AMMECR1: variants seen among roughly 807,000 people sequenced by gnomAD.
The protein encoded by AMMECR1 is nuclear protein AMMECR1.
In AMMECR1, 3 loss-of-function variants were observed where a neutral mutation model predicts 22.5. The ratio of observed to expected loss-of-function variants is 0.13; its 90% CI spans 0.06 to 0.35. The LOEUF (loss-of-function observed/expected upper bound fraction) is 0.35. Among genes scored for constraint, AMMECR1 ranks in the 10% least tolerant of loss-of-function variants. The pLI is 1.00. For synonymous variants in AMMECR1, 130 were observed against 116.7 expected, an observed-to-expected ratio of 1.11 and a Z score of -0.74; for missense variants, 235 against 278.7, an observed-to-expected ratio of 0.84 and a Z score of 1.12.
intron 2 of AMMECR1, among the ~76,000 whole-genome samples, chrX:110,262,356 G>A (rs1018461485): frequency 9.0e-6 from 1 of 111,605 alleles, no homozygotes; most frequent in Admixed American, 9.4e-5. Flanking sequence ...ACACACACAC[G>A]CCTCTTTAAT....
At chrX:110,331,716 A>G (rs2068121633) in intron 2 of AMMECR1, among the ~76,000 whole-genome samples, 1 of 111,282 alleles carries the variant, frequency 9.0e-6, no homozygotes, top group Admixed American at 9.6e-5. Flanking sequence ...CTCATCGTCT[A>G]TAAGGAGAAC....
chrX:110,312,866 C>A (rs932346895), intron 1 of AMMECR1, among the ~76,000 whole-genome samples: 1 of 111,952 alleles, frequency 8.9e-6, no homozygotes, highest in African/African-American at 3.3e-5. Flanking sequence ...TACATTATGA[C>A]CAGAGAATGC....
intron 2 of AMMECR1, among the ~76,000 whole-genome samples, chrX:110,356,693 CAATT>C (rs2068232152): frequency 9.0e-6 from 1 of 110,511 alleles, no homozygotes; most frequent in Admixed American, 9.7e-5. Flanking sequence ...TATCATTTGT[CAATT>C]AAAAATAGTT....
intron 2 of AMMECR1, among the ~76,000 whole-genome samples, chrX:110,325,729 C>A (rs896976235): frequency 3.6e-5 from 4 of 111,194 alleles, no homozygotes; most frequent in African/African-American, 1.3e-4. Flanking sequence ...TTTAAAGAAC[C>A]AACTTTTGGT....
chrX:110,326,623 T>C (rs1420009041), intron 2 of AMMECR1, among the ~76,000 whole-genome samples: 1 of 112,201 alleles, frequency 8.9e-6, no homozygotes, highest in Non-Finnish European at 1.9e-5. Context: ...ATATGTTAAT[T>C]CTAGTTGGTG....
chrX:110,258,402 T>C (rs1041165310), intron 2 of AMMECR1, among the ~76,000 whole-genome samples: 1 of 111,725 alleles, frequency 9.0e-6, no homozygotes, highest in African/African-American at 3.3e-5. Flanking sequence ...GAGCAGATAG[T>C]TCACCATGCT....
chrX:110,396,214 C>T (rs1179968983), intron 2 of AMMECR1, among the ~76,000 whole-genome samples: 2 of 110,599 alleles, frequency 1.8e-5, no homozygotes, highest in Non-Finnish European at 3.8e-5. Flanking sequence ...AAAATACATG[C>T]TTGAAAAAAA....
chrX:110,258,015 G>C (rs1297356657), intron 2 of AMMECR1, among the ~76,000 whole-genome samples: 3 of 111,659 alleles, frequency 2.7e-5, no homozygotes, highest in Non-Finnish European at 5.7e-5. Flanking sequence ...AAGAGCCCTG[G>C]TGCTGAAAAA....
chrX:110,422,099 C>T (rs1435055899), intron 2 of AMMECR1, among the ~76,000 whole-genome samples: 1 of 113,156 alleles, frequency 8.8e-6, no homozygotes, highest in Non-Finnish European at 1.9e-5. Flanking sequence ...AATCAGAGAA[C>T]ACACCCAGAC....
chrX:110,275,792 T>C (rs1333053820), intron 1 of AMMECR1, among the ~76,000 whole-genome samples: 1 of 111,421 alleles, frequency 9.0e-6, no homozygotes, highest in Admixed American at 9.5e-5. Flanking sequence ...ATGGTGCCAT[T>C]GCATTCCAGC....
chrX:110,243,324 C>T (rs1602819334), intron 2 of AMMECR1, among the ~76,000 whole-genome samples: 2 of 112,127 alleles, frequency 1.8e-5, no homozygotes, highest in Non-Finnish European at 1.9e-5. Context: ...GATACAGTTA[C>T]ACCAACCTAA....
At chrX:110,395,321 C>A (rs1602964602) in intron 2 of AMMECR1, among the ~76,000 whole-genome samples, 2 of 112,111 alleles carry the variant, frequency 1.8e-5, no homozygotes, top group African/African-American at 6.5e-5. Context: ...CTGTGACTCC[C>A]AGACCTCAAC....
chrX:110,285,319 C>G (rs1349718499), intron 1 of AMMECR1, among the ~76,000 whole-genome samples: 1 of 112,363 alleles, frequency 8.9e-6, no homozygotes, highest in Non-Finnish European at 1.9e-5. Flanking sequence ...AATTCTCACA[C>G]TTACTGAATC....
chrX:110,427,779 T>C, intron 1 of AMMECR1, among the ~76,000 whole-genome samples: 1 of 112,198 alleles, frequency 8.9e-6, no homozygotes, highest in East Asian at 2.8e-4. Flanking sequence ...TGCTCTTGCT[T>C]GTTCATTCTA....
At chrX:110,438,658 A>G (rs900800604) in intron 1 of AMMECR1, among the ~76,000 whole-genome samples, 1 of 111,421 alleles carries the variant, frequency 9.0e-6, no homozygotes, top group Admixed American at 9.5e-5. Flanking sequence ...TCTCCACCAG[A>G]CATAAGGTGG....
At position 110,364,955 on chromosome X, in the gene AMMECR1, C is replaced by T. The variant is rs146167777; in HGVS notation, c.-147-47106G>A. Among the ~76,000 whole-genome samples, 510 of 111,946 alleles carry T rather than the reference C, an allele frequency of 4.6e-3. 2 individuals carry two copies. Among genetic ancestry groups the T allele is most frequent in the African/African-American group, 0.015 (471 of 30,823 alleles). On this transcript the variant is annotated intron_variant, in intron 2 of 7. Coordinates refer to the AMMECR1 transcript ENST00000372057. Reference sequence around the variant, plus strand: ...CACAAGGAAGATGTCTCTAGGAGTTCATTATCACATTAAGACAAGGATTCT... The same window carrying T: ...CACAAGGAAGATGTCTCTAGGAGTTTATTATCACATTAAGACAAGGATTCT...
intron 2 of AMMECR1, among the ~76,000 whole-genome samples, chrX:110,261,408 T>C (rs1184349317): frequency 1.8e-5 from 2 of 111,135 alleles, no homozygotes; most frequent in African/African-American, 6.5e-5. Flanking sequence ...TATGCCCCTA[T>C]CCCCTAAGTT....
At chrX:110,221,518 G>C (rs1442066059) in intron 2 of AMMECR1, among the ~76,000 whole-genome samples, 2 of 111,722 alleles carry the variant, frequency 1.8e-5, no homozygotes, top group African/African-American at 6.5e-5. Flanking sequence ...GCCTTATTTT[G>C]GTGAGGGCTG....
intron 2 of AMMECR1, among the ~76,000 whole-genome samples, chrX:110,334,674 A>T (rs774533240): frequency 8.9e-6 from 1 of 112,164 alleles, no homozygotes; most frequent in East Asian, 2.8e-4. Flanking sequence ...ATCGCTTTCA[A>T]ATGAAAGAAG....
Sources: allele counts gnomAD v4.1 joint callset (sites outside exome capture counted in the v4.1 genomes callset), GRCh38; gene constraint gnomAD v4.1.1; transcripts MANE v1.5; gene names NCBI Gene and HGNC (gene_info 2026-07-23, HGNC 2026-07-21).